The following SLC38A1 variants were observed in gnomAD, a reference collection of about 807,000 sequenced individuals.
SLC38A1 encodes the protein sodium-coupled neutral amino acid symporter 1.
Under a neutral mutation model 60.3 loss-of-function variants are expected in SLC38A1, and 18 were observed. That is an observed-to-expected ratio of 0.30 (90% CI 0.21 to 0.44). SLC38A1 has a LOEUF of 0.44. SLC38A1 is among the 20% of genes least tolerant of loss of function. SLC38A1 has a pLI of 1.00. For missense variants in SLC38A1, 448 were observed against 587.2 expected (o/e 0.76, Z 2.45); for synonymous variants, 196 against 212.1 (o/e 0.92, Z 0.66).
chr12:46,229,911 T>C (rs1181180025), intron 3 of SLC38A1, among the ~76,000 whole-genome samples: 3 of 152,202 alleles, frequency 2.0e-5, no homozygotes. Context: ...CTCTACCTTG[T>C]ACAAAACAAT....
chr12:46,211,407 T>G (rs1202285458), intron 5 of SLC38A1, among the ~76,000 whole-genome samples: 2 of 151,882 alleles, frequency 1.3e-5, no homozygotes, highest in Non-Finnish European at 2.9e-5. Context: ...AGGGGATAAT[T>G]ATGAATATCT....
intron 2 of SLC38A1, among the ~76,000 whole-genome samples, chr12:46,241,476 CAT>C (rs1456133202): frequency 6.6e-6 from 1 of 152,120 alleles, no homozygotes; most frequent in African/African-American, 2.4e-5. Flanking sequence ...ATAATATACA[CAT>C]GTTTATAACA....
chr12:46,210,102 G>A (rs527595739), intron 5 of SLC38A1, among the ~76,000 whole-genome samples: 54 of 152,200 alleles, frequency 3.5e-4, no homozygotes, highest in Non-Finnish European at 6.0e-4. Context: ...CATGCCGTTC[G>A]CTCTGCGTGG....
At chr12:46,211,260 A>G (rs571870163) in intron 5 of SLC38A1, among the ~76,000 whole-genome samples, 100 of 152,292 alleles carry the variant, frequency 6.6e-4, no homozygotes, top group Middle Eastern at 3.4e-3. Flanking sequence ...ACATCTTAGG[A>G]TGAGCCAGAT....
chr12:46,236,370 A>C (rs1346740464), intron 3 of SLC38A1, among the ~76,000 whole-genome samples: 1 of 152,198 alleles, frequency 6.6e-6, no homozygotes. Context: ...GCAGGATTTG[A>C]ATATAAGCAG....
At chr12:46,252,717 T>C (rs1320596138) in intron 1 of SLC38A1, among the ~76,000 whole-genome samples, 1 of 151,984 alleles carries the variant, frequency 6.6e-6, no homozygotes, top group East Asian at 1.9e-4. Context: ...TGTATGGCCT[T>C]CCATGGTTTT....
intron 1 of SLC38A1, among the ~76,000 whole-genome samples, chr12:46,252,497 TATA>T (rs951418506): frequency 1.3e-5 from 2 of 151,844 alleles, no homozygotes; most frequent in African/African-American, 4.8e-5. Context: ...ACCCTAGAAG[TATA>T]ATAAAATATA....
Position 46,187,102 on chromosome 12 carries a change from T to C in SLC38A1, c.*1868A>G, listed in dbSNP as rs1397513681. The C allele has an allele frequency of 6.6e-6, 1 of 152,232 alleles. No individual in the cohort carries two copies. Among genetic ancestry groups the C allele is most frequent in the East Asian group, 1.9e-4 (1 of 5,200 alleles). 9.4% of individuals were successfully genotyped at this position (152,232 alleles called of 1,614,324 possible). On this transcript the variant is annotated 3_prime_UTR_variant, in exon 17 of 17. Transcript: ENST00000398637. ...CTAACCTAATGTGGATATGATTCTG[T>C]AGCATTATATTAAAAGCTATGATGA...
At chr12:46,264,252 T>C (rs2139073780) in intron 1 of SLC38A1, among the ~76,000 whole-genome samples, 1 of 152,374 alleles carries the variant, frequency 6.6e-6, no homozygotes, top group South Asian at 2.1e-4. Flanking sequence ...TCTGCTCTCA[T>C]TGTATCTTCA....
intron 5 of SLC38A1, among the ~76,000 whole-genome samples, chr12:46,223,478 A>ACC (rs1555187554): frequency 2.0e-5 from 3 of 150,974 alleles, no homozygotes; most frequent in African/African-American, 4.9e-5. Context: ...ACACACACAC[A>ACC]CCCCACTCAT....
At chr12:46,244,410 A>G (rs897518813) in intron 1 of SLC38A1, among the ~76,000 whole-genome samples, 1 of 152,200 alleles carries the variant, frequency 6.6e-6, no homozygotes, top group African/African-American at 2.4e-5. Flanking sequence ...AGTTCTATAA[A>G]GGACAGAAAG....
At chr12:46,242,574 C>A (rs910361545) in intron 2 of SLC38A1, among the ~76,000 whole-genome samples, 2 of 151,968 alleles carry the variant, frequency 1.3e-5, no homozygotes, top group Non-Finnish European at 2.9e-5. Flanking sequence ...GAATTTGAGA[C>A]AACATGGCAA....
chr12:46,250,734 C>A (rs1941807996), intron 1 of SLC38A1, among the ~76,000 whole-genome samples: 1 of 152,152 alleles, frequency 6.6e-6, no homozygotes, highest in African/African-American at 2.4e-5. Context: ...AGTGAACTCC[C>A]ATTCACAATT....
intron 1 of SLC38A1, among the ~76,000 whole-genome samples, chr12:46,262,039 G>T (rs1203210816): frequency 6.6e-6 from 1 of 152,218 alleles, no homozygotes; most frequent in Non-Finnish European, 1.5e-5. Context: ...AAGAAGCCCT[G>T]TGTTACAGAA....
chr12:46,192,509 C>G (rs1377932231), intron 16 of SLC38A1, among the ~76,000 whole-genome samples: 2 of 152,132 alleles, frequency 1.3e-5, no homozygotes, highest in Admixed American at 1.3e-4. Context: ...AGGAATGGTA[C>G]CAGCTCCTCT....
chr12:46,201,148 A>G lies in SLC38A1; in HGVS notation c.953T>C (p.Met318Thr). Reference sequence around the variant, plus strand: ...GGCAGTCAAGAAGTACATAACAAACATGGCGAAAAAGGAGATGTTTGAAAC... The same window carrying G: ...GGCAGTCAAGAAGTACATAACAAACGTGGCGAAAAAGGAGATGTTTGAAAC... ...QMVSNISFFA[M>T]FVMYFLTAIF... is the part of the protein sequence containing the mutation. The change falls in exon 13 of 17, where the codon ATG becomes ACG. Residue 318 changes from methionine to threonine, a missense_variant. Met to Thr is a moderately conservative substitution (Grantham distance 81, BLOSUM62 -1). Transcript: ENST00000398637. 6.2e-7 allele frequency: 1 copy of G among 1,613,672 alleles called. No homozygotes were observed. The highest frequency in any genetic ancestry group is 8.5e-7 in the Non-Finnish European group (1 of 1,179,780).
At chr12:46,238,454 C>T (rs116397774) in intron 3 of SLC38A1, among the ~76,000 whole-genome samples, 75 of 152,260 alleles carry the variant, frequency 4.9e-4, no homozygotes, top group African/African-American at 1.7e-3. Flanking sequence ...TACAAAGATG[C>T]CTGGTTAGTT....
In SLC38A1 at chr12:46,209,893, A is replaced by G. The variant is rs145173549; in HGVS notation, c.315-766T>C. Among the ~76,000 whole-genome samples the G allele has an allele frequency of 3.0e-3, 458 of 152,368 alleles. 5 individuals are homozygous for G. Among genetic ancestry groups the G allele is most frequent in the African/African-American group, 0.01 (430 of 41,572 alleles). Reference sequence around the variant, plus strand: ...TAGATGATTTCTGAAACATTTGGTTAAAACAGACATGATAATTGAAAATAA... The same window carrying G: ...TAGATGATTTCTGAAACATTTGGTTGAAACAGACATGATAATTGAAAATAA... On this transcript the variant is annotated intron_variant, in intron 5 of 16. Transcript: ENST00000398637.
chr12:46,260,046 T>C (rs1942151297), intron 1 of SLC38A1, among the ~76,000 whole-genome samples: 1 of 152,212 alleles, frequency 6.6e-6, no homozygotes, highest in East Asian at 1.9e-4. Context: ...CTTAAAGCAA[T>C]ACCCATCTGA....
Sources: allele counts gnomAD v4.1 joint callset (sites outside exome capture counted in the v4.1 genomes callset), GRCh38; gene constraint gnomAD v4.1.1; transcripts MANE v1.5; gene names NCBI Gene and HGNC (gene_info 2026-07-23, HGNC 2026-07-21).